The following CSMD1 variants were observed in gnomAD, a reference collection of about 807,000 sequenced individuals.
CSMD1 encodes CUB and sushi domain-containing protein 1.
CSMD1 carries 213 observed loss-of-function variants against 417.5 expected under a neutral mutation model. That is an observed-to-expected ratio of 0.51 (90% CI 0.46 to 0.57). The LOEUF is 0.57. Among genes scored for constraint, CSMD1 ranks in the 20% least tolerant of loss-of-function variants. The pLI is 0.00. For missense variants in CSMD1, 6,923 were observed against 4,529.7 expected (o/e 1.53, Z -15.17); for synonymous variants, 2,862 against 1,736.8 (o/e 1.65, Z -16.11).
At chr8:4,754,722 G>A (rs530126751) in intron 1 of CSMD1, among the ~76,000 whole-genome samples, 9 of 152,074 alleles carry the variant, frequency 5.9e-5, no homozygotes, top group East Asian at 1.9e-4. Context: ...GGTGGTGGGC[G>A]CCTGTAGTCC....
intron 3 of CSMD1, among the ~76,000 whole-genome samples, chr8:4,093,814 A>C (rs537573272): frequency 5.9e-5 from 9 of 152,234 alleles, no homozygotes; most frequent in African/African-American, 2.2e-4. Flanking sequence ...TACAAAAAGT[A>C]GCTGGGTGTG....
intron 7 of CSMD1, among the ~76,000 whole-genome samples, chr8:3,675,773 G>C (rs1383700868): frequency 1.3e-5 from 2 of 152,058 alleles, no homozygotes; most frequent in African/African-American, 2.4e-5. Flanking sequence ...ATATATGTCT[G>C]TTGTTTAAGC....
At chr8:3,520,044 G>GTATATATATA (rs1563116164) in intron 10 of CSMD1, among the ~76,000 whole-genome samples, 3 of 137,340 alleles carry the variant, frequency 2.2e-5, no homozygotes, top group African/African-American at 3.2e-5. Context: ...ATATATACAC[G>GTATATATATA]TATAGTTGTG....
intron 5 of CSMD1, among the ~76,000 whole-genome samples, chr8:3,942,755 T>C (rs902269286): frequency 1.3e-5 from 2 of 152,202 alleles, no homozygotes; most frequent in African/African-American, 4.8e-5. Flanking sequence ...GTGTGAAGTC[T>C]GTATTTATTA....
At chr8:4,357,949 G>A (rs1378647002) in intron 3 of CSMD1, among the ~76,000 whole-genome samples, 2 of 152,192 alleles carry the variant, frequency 1.3e-5, no homozygotes, top group East Asian at 3.9e-4. Flanking sequence ...ATTGCTAGTG[G>A]TGTAATGCCT....
chr8:4,240,898 T>C (rs1348086562), intron 3 of CSMD1, among the ~76,000 whole-genome samples: 2 of 152,254 alleles, frequency 1.3e-5, no homozygotes, highest in African/African-American at 4.8e-5. Flanking sequence ...CGCATGTTAC[T>C]GTAAAGAAAA....
chr8:3,233,951 G>C lies in CSMD1; in HGVS notation c.4154-3720C>G, dbSNP rs1050364647. Among the ~76,000 whole-genome samples, 7 of 152,322 alleles carry C rather than the reference G, an allele frequency of 4.6e-5. No individual in the cohort carries two copies. In the South Asian group the frequency reaches 1.2e-3, roughly 27 times the overall value. On this transcript the variant is annotated intron_variant, in intron 26 of 69. Coordinates refer to ENST00000635120, the MANE Select transcript of CSMD1 (RefSeq NM_033225.6). ...CAGACTAGTGTGAATCCCGCCGGCG[G>C]TTGTGAGTTGCATGCATCTATGTCT...
intron 2 of CSMD1, among the ~76,000 whole-genome samples, chr8:4,502,252 G>C (rs1269159294): frequency 4.3e-4 from 65 of 151,836 alleles, no homozygotes; most frequent in Non-Finnish European, 7.4e-5. Flanking sequence ...GAAAGTTCTG[G>C]GTGCACATTC....
chr8:3,127,214 G>A (rs946660716), intron 41 of CSMD1, among the ~76,000 whole-genome samples: 1 of 152,100 alleles, frequency 6.6e-6, no homozygotes, highest in African/African-American at 2.4e-5. Context: ...GGTCACTGTT[G>A]GAAGCACTTT....
chr8:3,046,947 A>G (rs1235259693), intron 50 of CSMD1, among the ~76,000 whole-genome samples: 4 of 152,206 alleles, frequency 2.6e-5, no homozygotes, highest in Non-Finnish European at 4.4e-5. Context: ...GGCCAGGCGC[A>G]GTGGCTGATG....
chr8:3,015,266 G>T (rs1223175331), intron 52 of CSMD1, among the ~76,000 whole-genome samples: 1 of 152,064 alleles, frequency 6.6e-6, no homozygotes, highest in African/African-American at 2.4e-5. Context: ...CTTTAAAAAC[G>T]CATTGCATTC....
intron 1 of CSMD1, among the ~76,000 whole-genome samples, chr8:4,700,001 T>G (rs1365236576): frequency 1.3e-5 from 2 of 152,210 alleles, no homozygotes; most frequent in African/African-American, 4.8e-5. Flanking sequence ...TGGCTTCAAT[T>G]TCTTCATCTC....
chr8:4,993,592 C>T (rs1811593998), intron 1 of CSMD1, among the ~76,000 whole-genome samples: 1 of 152,192 alleles, frequency 6.6e-6, no homozygotes, highest in African/African-American at 2.4e-5. Context: ...ACTCCTTCCC[C>T]TGACCAGCGT....
chr8:4,437,662 G>C (rs1466803632), intron 2 of CSMD1, among the ~76,000 whole-genome samples: 2 of 152,168 alleles, frequency 1.3e-5, no homozygotes, highest in Admixed American at 6.5e-5. Flanking sequence ...GGAGTTCGTA[G>C]AGTTTAACCT....
chr8:4,918,976 G>C (rs1163795925), intron 1 of CSMD1, among the ~76,000 whole-genome samples: 2 of 152,106 alleles, frequency 1.3e-5, no homozygotes, highest in East Asian at 1.9e-4. Context: ...TATTACGATT[G>C]AGTTGTTTGG....
chr8:4,181,934 G>T (rs958438137), intron 3 of CSMD1, among the ~76,000 whole-genome samples: 1 of 135,704 alleles, frequency 7.4e-6, no homozygotes, highest in Non-Finnish European at 1.6e-5. Flanking sequence ...ACTTTGCTAG[G>T]TGATTCTGTT....
intron 2 of CSMD1, among the ~76,000 whole-genome samples, chr8:4,538,516 G>A (rs927631985): frequency 3.3e-5 from 5 of 151,980 alleles, no homozygotes; most frequent in African/African-American, 9.7e-5. Flanking sequence ...GGTGGCAGGT[G>A]CCTGTAATCC....
intron 10 of CSMD1, among the ~76,000 whole-genome samples, chr8:3,531,019 A>ATT (rs34239725): frequency 2.1e-5 from 3 of 142,370 alleles, no homozygotes; most frequent in South Asian, 2.3e-4. Flanking sequence ...TGCCCAGCTA[A>ATT]TTTTTTTTTT....
In CSMD1 at chr8:3,311,699, GA is replaced by G. The variant is rs1805363228; in HGVS notation, c.3632-3197del. Among the ~76,000 whole-genome samples the G allele has an allele frequency of 2.0e-5, 3 of 152,154 alleles. No homozygotes were observed. The South Asian group carries it at 6.2e-4, about 31-fold the overall frequency. Reference sequence around the variant, plus strand: ...ATTACTTTTACATCATTATAAAGTTGAAAAATTGTAAGTGAACCATCATAAG... The same window carrying G: ...ATTACTTTTACATCATTATAAAGTTGAAAATTGTAAGTGAACCATCATAAG... On this transcript the variant is annotated intron_variant, in intron 23 of 69. Transcript: ENST00000635120.
Sources: gnomAD v4.1 joint callset for allele counts (sites outside exome capture counted in the v4.1 genomes callset) on GRCh38, gnomAD v4.1.1 for gene constraint, MANE v1.5 for transcripts, NCBI Gene and HGNC (gene_info 2026-07-23, HGNC 2026-07-21) for gene names.